The following PRH1 variants were observed in gnomAD, a reference collection of about 807,000 sequenced individuals.
PRH1 encodes salivary acidic proline-rich phosphoprotein 1/2.
PRH1 carries 7 observed loss-of-function variants against 7.9 expected under a neutral mutation model. That is an observed-to-expected ratio of 0.89 (90% CI 0.50 to 1.67). PRH1 has a LOEUF of 1.67. Among genes scored for constraint, PRH1 ranks in the 40% most tolerant of loss-of-function variants. The probability of loss-of-function intolerance (pLI) is 0.00; values close to 1 mark genes in which losing one functional copy is unlikely to be tolerated. For missense variants in PRH1, 109 were observed against 223.6 expected (o/e 0.49, Z 3.27); for synonymous variants, 45 against 80.8 (o/e 0.56, Z 2.38).
chr12:10,896,219 T>C (rs371770570), intron 2 of PRH1, among the ~76,000 whole-genome samples: 5 of 152,208 alleles, frequency 3.3e-5, no homozygotes. Flanking sequence ...GATTCTCCTT[T>C]ATAGTTTTAC....
At chr12:11,083,569 AC>A (rs1352729683) in intron 1 of PRH1, among the ~76,000 whole-genome samples, 1 of 37,432 alleles carries the variant, frequency 2.7e-5, no homozygotes, top group African/African-American at 6.6e-5. Context: ...GTCTAAATGT[AC>A]AGTAAAGAAA....
At chr12:11,016,960 C>A (rs769087523) in intron 1 of PRH1, among the ~76,000 whole-genome samples, 6 of 152,224 alleles carry the variant, frequency 3.9e-5, no homozygotes, top group African/African-American at 1.4e-4. Context: ...TTTTTATATG[C>A]CTATCCACTT....
Position 10,884,243 on chromosome 12 carries a change from C to T in PRH1, c.-26G>A. The T allele has an allele frequency of 7.4e-6, 12 of 1,614,120 alleles. No individual in the cohort carries two copies. Among genetic ancestry groups the T allele is most frequent in the Non-Finnish European group, 1.0e-5 (12 of 1,179,992 alleles). ...CTTGCAGGAGGCTCTGGTGTCACTC[C>T]CAACTTTGTGCTGGGAGAAACGTGT... On this transcript the variant is annotated 5_prime_UTR_variant, in exon 1 of 4. Coordinates refer to ENST00000543626, the MANE Select transcript of PRH1 (RefSeq NM_001393989.1).
intron 1 of PRH1, among the ~76,000 whole-genome samples, chr12:11,062,900 G>A (rs1454604212): frequency 2.0e-5 from 3 of 151,862 alleles, no homozygotes; most frequent in Admixed American, 6.6e-5. Flanking sequence ...CTGCTAATAC[G>A]TTTGTATAAC....
chr12:10,948,114 G>A (rs1040994748), intron 2 of PRH1, among the ~76,000 whole-genome samples: 6 of 151,066 alleles, frequency 4.0e-5, no homozygotes, highest in African/African-American at 1.5e-4. Context: ...TCTTGGAGAT[G>A]ATCTTGTGTA....
intron 1 of PRH1, among the ~76,000 whole-genome samples, chr12:10,976,780 A>G (rs190547227): frequency 2.6e-5 from 4 of 152,328 alleles, no homozygotes; most frequent in South Asian, 2.1e-4. Context: ...ACAAACTACT[A>G]TCAACACCTC....
At chr12:10,885,941 A>G (rs1268156795), upstream of PRH1, among the ~76,000 whole-genome samples, 1 of 152,192 alleles carries the variant, frequency 6.6e-6, no homozygotes, top group African/African-American at 2.4e-5. Flanking sequence ...AAGGCTTCCT[A>G]GTAGATTAGA....
intron 2 of PRH1, among the ~76,000 whole-genome samples, chr12:10,924,447 A>G (rs896498191): frequency 6.6e-6 from 1 of 152,226 alleles, no homozygotes. Context: ...AGTTGCCATC[A>G]GATAAGGGAT....
intron 1 of PRH1, among the ~76,000 whole-genome samples, chr12:10,984,610 T>C (rs1372682055): frequency 6.6e-6 from 1 of 152,096 alleles, no homozygotes; most frequent in African/African-American, 2.4e-5. Context: ...GGTGCTTACA[T>C]TGTACCAGGA....
chr12:10,981,045 C>T lies in PRH1; in HGVS notation c.-125-7324G>A, dbSNP rs1249059106. 8.5e-5 allele frequency among the ~76,000 whole-genome samples: 13 copies of T among 152,196 alleles called. No homozygotes were observed. In the South Asian group the frequency reaches 1.2e-3, roughly 15 times the overall value. On this transcript the variant is annotated intron_variant, in intron 1 of 3. Transcript: ENST00000539853. ...GAAAAAGCTGATTCCTGAGGTCAGC[C>T]TTTAACATTGAAAATGGAAAACCCT...
chr12:10,889,007 T>G (rs946175875), upstream of PRH1, among the ~76,000 whole-genome samples: 6 of 152,238 alleles, frequency 3.9e-5, no homozygotes, highest in African/African-American at 1.4e-4. Context: ...CTCTTCCATC[T>G]TCAATGCTAG....
rs1182941577 is a variant in PRH1, at chr12:11,072,595, T to C, written n.124-25407A>G. Among the ~76,000 whole-genome samples the C allele has an allele frequency of 2.0e-5, 3 of 152,336 alleles. No individual in the cohort carries two copies. In the South Asian group the frequency reaches 6.2e-4, roughly 32 times the overall value. On this transcript the variant is annotated intron_variant and non_coding_transcript_variant, in intron 1 of 4. Transcript: ENST00000541977. ...CAAAACACTTGAAAGTTACAGGGGATGGTAGTCTTTTTACATCCCTCTCCA... is the reference window on the plus strand; with the variant it reads ...CAAAACACTTGAAAGTTACAGGGGACGGTAGTCTTTTTACATCCCTCTCCA...
intron 1 of PRH1, among the ~76,000 whole-genome samples, chr12:10,989,074 C>T (rs544943450): frequency 1.2e-3 from 179 of 152,302 alleles, no homozygotes; most frequent in Non-Finnish European, 1.9e-3. Context: ...TCCCAAAGTG[C>T]TGGGATTACA....
intron 2 of PRH1, among the ~76,000 whole-genome samples, chr12:10,923,147 C>T (rs1212914828): frequency 7.0e-6 from 1 of 142,280 alleles, no homozygotes; most frequent in Non-Finnish European, 1.5e-5. Flanking sequence ...TTTTTTGAGA[C>T]AGAGTTTTGC....
At chr12:11,108,042 A>C (rs541202134) in intron 1 of PRH1, among the ~76,000 whole-genome samples, 1 of 152,330 alleles carries the variant, frequency 6.6e-6, no homozygotes, top group African/African-American at 2.4e-5. Flanking sequence ...AAAAGTGCTG[A>C]AGGAAGAAAA....
At chr12:10,885,893 G>A (rs1385072716), upstream of PRH1, among the ~76,000 whole-genome samples, 5 of 152,238 alleles carry the variant, frequency 3.3e-5, no homozygotes, top group Non-Finnish European at 5.9e-5. Context: ...TGAGGGTCTG[G>A]TATGGCTCTT....
At chr12:10,887,838 T>C (rs1949516283), upstream of PRH1, among the ~76,000 whole-genome samples, 1 of 152,236 alleles carries the variant, frequency 6.6e-6, no homozygotes, top group African/African-American at 2.4e-5. Context: ...GTTGTCGATG[T>C]TGTTTTCAAT....
chr12:11,017,072 T>C (rs1941330089), intron 1 of PRH1, among the ~76,000 whole-genome samples: 1 of 152,274 alleles, frequency 6.6e-6, no homozygotes, highest in Non-Finnish European at 1.5e-5. Context: ...ATGTGGTATC[T>C]TCCCTGAGCA....
Position 10,951,976 on chromosome 12 carries a change from G to C in PRH1, c.-59+21679C>G, listed in dbSNP as rs963237661. 4.6e-5 allele frequency among the ~76,000 whole-genome samples: 7 copies of C among 152,206 alleles called. 1 individual carries two copies. Among genetic ancestry groups the C allele is most frequent in the African/African-American group, 1.7e-4 (7 of 41,510 alleles). The stretch of plus-strand genomic sequence containing the variant: ...GAAATCCAGTTCTCTGCTTCATATA[G>C]GTATGATCCGAGAATCTATTTTACA... On this transcript the variant is annotated intron_variant, in intron 2 of 3. Coordinates refer to the PRH1 transcript ENST00000539853.
Sources: allele counts gnomAD v4.1 joint callset (sites outside exome capture counted in the v4.1 genomes callset), GRCh38; gene constraint gnomAD v4.1.1; transcripts MANE v1.5; gene names NCBI Gene and HGNC (gene_info 2026-07-23, HGNC 2026-07-21).